The following GDA variants were observed in gnomAD, a reference collection of about 807,000 sequenced individuals.
GDA encodes cytoplasmic PSD-95 interactor.
A neutral mutation model predicts 59.6 loss-of-function variants in GDA; 18 were observed. The observed-to-expected ratio is 0.30, with a 90% CI of 0.21 to 0.45. The LOEUF is 0.45. GDA is among the 20% of genes least tolerant of loss of function. The pLI is 1.00. For missense variants in GDA, 427 were observed against 552.3 expected, an observed-to-expected ratio of 0.77 and a Z score of 2.27; for synonymous variants, 201 against 201.1, an observed-to-expected ratio of 1.00 and a Z score of 0.00.
intron 5 of GDA, among the ~76,000 whole-genome samples, chr9:72,215,331 GA>G (rs1377719730): frequency 1.1e-5 from 1 of 90,458 alleles, no homozygotes; most frequent in East Asian, 3.5e-4. Context: ...AAGGTATAAA[GA>G]AGAATTTTTT....
intron 1 of GDA, among the ~76,000 whole-genome samples, chr9:72,140,460 G>T (rs1826401485): frequency 6.6e-6 from 1 of 152,164 alleles, no homozygotes; most frequent in Non-Finnish European, 1.5e-5. Flanking sequence ...AAGCTGCGCT[G>T]CCAGAAAGAG....
intron 9 of GDA, among the ~76,000 whole-genome samples, chr9:72,230,512 A>G (rs954723854): frequency 2.1e-4 from 32 of 150,710 alleles, no homozygotes; most frequent in Non-Finnish European, 4.0e-4. Context: ...ATATATATAT[A>G]TATATATATG....
At chr9:72,182,860 TG>T (rs138045371) in intron 1 of GDA, among the ~76,000 whole-genome samples, 4,806 of 152,268 alleles carry the variant, frequency 0.032, 271 homozygotes, top group African/African-American at 0.11. Flanking sequence ...TGTGGACTCA[TG>T]GATTCCCATA....
chr9:72,120,700 A>C (rs1306940339), intron 1 of GDA, among the ~76,000 whole-genome samples: 1 of 152,138 alleles, frequency 6.6e-6, no homozygotes, highest in Non-Finnish European at 1.5e-5. Flanking sequence ...ACATGATCCA[A>C]CTTCTCTAAC....
chr9:72,125,311 C>T (rs2130591767), intron 1 of GDA, among the ~76,000 whole-genome samples: 1 of 151,156 alleles, frequency 6.6e-6, no homozygotes, highest in South Asian at 2.1e-4. Flanking sequence ...TCCTTCCTTC[C>T]TTCCTTTACT....
chr9:72,242,506 C>T (rs1158354157), intron 11 of GDA, among the ~76,000 whole-genome samples: 1 of 152,090 alleles, frequency 6.6e-6, no homozygotes, highest in Non-Finnish European at 1.5e-5. Flanking sequence ...GATTTAGAAA[C>T]ATATTGGGTG....
chr9:72,137,261 T>TTG, intron 1 of GDA, among the ~76,000 whole-genome samples: 1 of 142,442 alleles, frequency 7.0e-6, no homozygotes, highest in Non-Finnish European at 1.5e-5. Flanking sequence ...TTTTTTTTTT[T>TTG]TTGAGACGGA....
rs538142510 is a variant in GDA at position 72,225,673 on chromosome 9, G to A, written c.715-4G>A. 4.1e-5 allele frequency: 55 copies of A among 1,339,392 alleles called. 1 individual carries two copies. The highest frequency in any genetic ancestry group is 4.1e-4 in the South Asian group (32 of 78,856). The allele number at this position is 1,339,392 out of a possible 1,614,324, so 83.0% of individuals were successfully genotyped here. A position where few individuals can be genotyped will look rare whatever the true frequency, so the allele number is the denominator to read the frequency against. Reference sequence around the variant, plus strand: ...AAAATGAAAATATTATTTTTTTCTTGTAGAGCCATATAAGTGAAAATCGTG... The same window carrying A: ...AAAATGAAAATATTATTTTTTTCTTATAGAGCCATATAAGTGAAAATCGTG... On this transcript the variant is annotated splice_region_variant and splice_polypyrimidine_tract_variant and intron_variant, in intron 7 of 13. Coordinates refer to ENST00000358399, the MANE Select transcript of GDA (RefSeq NM_004293.5).
chr9:72,255,361 G>T (rs976606368), downstream of GDA, among the ~76,000 whole-genome samples: 1 of 152,162 alleles, frequency 6.6e-6, no homozygotes, highest in African/African-American at 2.4e-5. Flanking sequence ...TGAGCAATGA[G>T]GGCATCTATG....
rs1188464437 is a variant in GDA, at chr9:72,205,126, A to AT, written c.384+2384_384+2385insT. On this transcript the variant is annotated intron_variant, in intron 3 of 13. Transcript: ENST00000358399. ...ACTCTGTCTCAAAAAAAAAAAAAAA[A>AT]AAAAAATTGCGGAGCACATATCCTA... Among the ~76,000 whole-genome samples the AT allele has an allele frequency of 2.1e-4, 32 of 151,700 alleles. 1 individual carries two copies. The highest frequency in any genetic ancestry group is 7.5e-4 in the African/African-American group (31 of 41,334).
chr9:72,232,380 A>G (rs1012496557), intron 10 of GDA, among the ~76,000 whole-genome samples: 2 of 152,230 alleles, frequency 1.3e-5, no homozygotes, highest in African/African-American at 4.8e-5. Flanking sequence ...AAAGAGGTAT[A>G]TATTAGATTA....
chr9:72,240,376 A>G (rs984762099), intron 10 of GDA, among the ~76,000 whole-genome samples: 2 of 152,210 alleles, frequency 1.3e-5, no homozygotes, highest in Non-Finnish European at 2.9e-5. Context: ...TTTAAACCAC[A>G]TATTATCTAA....
At position 72,249,263 on chromosome 9, in the gene GDA, A is replaced by G. The variant is rs1471001260; in HGVS notation, c.*921A>G. 1 of 985,346 alleles carries G rather than the reference A, an allele frequency of 1.0e-6. No individual in the cohort carries two copies. The highest frequency in any genetic ancestry group is 1.2e-6 in the Non-Finnish European group (1 of 829,874). 61.0% of individuals were successfully genotyped at this position (985,346 alleles called of 1,614,324 possible). On this transcript the variant is annotated 3_prime_UTR_variant, in exon 14 of 14. Coordinates refer to ENST00000358399, the MANE Select transcript of GDA (RefSeq NM_004293.5). Reference sequence around the variant, plus strand: ...CTGGCATCCAGGAGCCGCCAATACTAACAGGACAGGTTCCATTGCCATGGC... The same window carrying G: ...CTGGCATCCAGGAGCCGCCAATACTGACAGGACAGGTTCCATTGCCATGGC...
intron 1 of GDA, among the ~76,000 whole-genome samples, chr9:72,192,197 C>CCT (rs1347381923): frequency 7.0e-6 from 1 of 142,544 alleles, no homozygotes; most frequent in Non-Finnish European, 1.5e-5. Flanking sequence ...ATTTTTGTCT[C>CCT]CTCTGACTGT....
intron 3 of GDA, among the ~76,000 whole-genome samples, chr9:72,206,837 C>T (rs1234115247): frequency 6.6e-5 from 10 of 152,040 alleles, no homozygotes; most frequent in East Asian, 1.9e-4. Context: ...CTACTTGGAT[C>T]CCTGTCTTCA....
At chr9:72,134,546 C>T (rs145577669) in intron 1 of GDA, among the ~76,000 whole-genome samples, 1,539 of 152,016 alleles carry the variant, frequency 0.01, 28 homozygotes, top group African/African-American at 0.034. Context: ...GGATTACAGG[C>T]GCCCACCACC....
chr9:72,152,754 G>C (rs1409863529), intron 1 of GDA, among the ~76,000 whole-genome samples: 2 of 152,246 alleles, frequency 1.3e-5, no homozygotes, highest in African/African-American at 2.4e-5. Context: ...TGTTCACTCT[G>C]ATGGTAGTTT....
At chr9:72,127,127 G>C (rs973055469) in intron 1 of GDA, among the ~76,000 whole-genome samples, 2 of 151,666 alleles carry the variant, frequency 1.3e-5, no homozygotes, top group Non-Finnish European at 2.9e-5. Context: ...GTCAGAGTTG[G>C]CATGATCTTG....
intron 6 of GDA, among the ~76,000 whole-genome samples, chr9:72,222,325 T>G (rs1402933085): frequency 6.6e-6 from 1 of 152,242 alleles, no homozygotes; most frequent in Non-Finnish European, 1.5e-5. Flanking sequence ...TGTTGAGCTT[T>G]TTTTTCATGT....
Sources: gnomAD v4.1 joint callset for allele counts (sites outside exome capture counted in the v4.1 genomes callset) on GRCh38, gnomAD v4.1.1 for gene constraint, MANE v1.5 for transcripts, NCBI Gene and HGNC (gene_info 2026-07-23, HGNC 2026-07-21) for gene names.